The following STK36 variants were observed in gnomAD, a reference collection of about 807,000 sequenced individuals.
STK36 encodes the protein serine/threonine kinase 36.
STK36 carries 116 observed loss-of-function variants against 142.2 expected under a neutral mutation model. That is an observed-to-expected ratio of 0.82 (90% CI 0.70 to 0.95). STK36 has a LOEUF of 0.95. Ranked by LOEUF, STK36 falls within the 40% of genes least tolerant of loss-of-function variation. The pLI, the probability that STK36 is intolerant of heterozygous loss-of-function variation, is 0.00. For missense variants in STK36, 1,422 were observed against 1,617.2 expected (o/e 0.88, Z 2.07); for synonymous variants, 619 against 641.7 (o/e 0.96, Z 0.53).
rs1941333109 is a variant in STK36, at chr2:218,698,786, TTC to T, written c.3250_3251del (p.Leu1084AlafsTer24). The T allele has an allele frequency of 6.2e-7, 1 of 1,614,082 alleles. No individual in the cohort carries two copies. Among genetic ancestry groups the T allele is most frequent in the Non-Finnish European group, 8.5e-7 (1 of 1,180,036 alleles). On this transcript the variant is annotated frameshift_variant, in exon 26 of 27. Coordinates refer to ENST00000295709, the MANE Select transcript of STK36 (RefSeq NM_015690.5). LOFTEE classifies it high-confidence loss of function. ...GACCAGCCACTGTTGACCTCCGACC[TTC>T]TCTCTCTGCTGGCCCATACTGCCAG...
At chr2:218,700,555 C>T (rs1258626464) in intron 26 of STK36, among the ~76,000 whole-genome samples, 2 of 151,736 alleles carry the variant, frequency 1.3e-5, no homozygotes, top group Non-Finnish European at 2.9e-5. Flanking sequence ...GCACACACCA[C>T]CTTACCTGGC....
At position 218,698,591 on chromosome 2, in the gene STK36, T is replaced by C; in HGVS notation, c.3058-11T>C. On this transcript the variant is annotated splice_polypyrimidine_tract_variant and intron_variant, in intron 25 of 26. Coordinates refer to ENST00000295709, the MANE Select transcript of STK36 (RefSeq NM_015690.5). ...TCTCTCCCTGAATCCTTTTACCTCC[T>C]GTTCTCTCAGGTCTGCTGCTACCAT... is the stretch of plus-strand genomic sequence containing the variant. 6.2e-7 allele frequency: 1 copy of C among 1,611,340 alleles called. No homozygotes were observed. Among genetic ancestry groups the C allele is most frequent in the Non-Finnish European group, 8.5e-7 (1 of 1,178,308 alleles).
chr2:218,672,136 C>A lies in STK36; in HGVS notation c.-169C>A. ...GTTCGGATGTGTCCCAGGAAGTGCC[C>A]ATGTGTGGTCCGCCGTCCATTCCAC... On this transcript the variant is annotated 5_prime_UTR_variant, in exon 1 of 27. Coordinates refer to ENST00000295709, the MANE Select transcript of STK36 (RefSeq NM_015690.5). The A allele has an allele frequency of 1.3e-6, 1 of 742,062 alleles. No individual in the cohort carries two copies. 46.0% of individuals were successfully genotyped at this position (742,062 alleles called of 1,614,324 possible). A position where few individuals can be genotyped will look rare whatever the true frequency, so the allele number is the denominator to read the frequency against.
intron 2 of STK36, 113 bp from the exon 3 acceptor site, chr2:218,673,512 G>A (rs1940085452): frequency 1.5e-6 from 2 of 1,373,526 alleles, no homozygotes; most frequent in South Asian, 1.5e-5. Flanking sequence ...GAAATAATAA[G>A]AGTTACTCAA....
chr2:218,677,056 C>T (rs1384527927), intron 6 of STK36, among the ~76,000 whole-genome samples: 1 of 152,158 alleles, frequency 6.6e-6, no homozygotes, highest in African/African-American at 2.4e-5. Flanking sequence ...GCCTCAGCCT[C>T]CCGAGTAGCT....
At position 218,690,434 on chromosome 2, in the gene STK36, CAT is replaced by C; in HGVS notation, c.1659-15_1659-14del. 1.2e-6 allele frequency: 2 copies of C among 1,610,652 alleles called. No individual in the cohort carries two copies. Among genetic ancestry groups the C allele is most frequent in the Non-Finnish European group, 1.7e-6 (2 of 1,176,904 alleles). ...GTAGAGAGATAAGAAATCATGGGCT[CAT>C]TTTCCACCCCCAGCCTGCAGGTGTT... On this transcript the variant is annotated splice_polypyrimidine_tract_variant and intron_variant, in intron 13 of 26. Transcript: ENST00000295709.
Position 218,692,195 on chromosome 2 carries a change from A to G in STK36, c.1817A>G (p.Lys606Arg). ...GATGGGAACAGCCGGGCCATCTCCA[A>G]AGCCTTTTACTCCAGCTTGCTGACG... Reference protein sequence around the residue: ...AMDGNSRAISKAFYSSLLTTQ... With the variant: ...AMDGNSRAISRAFYSSLLTTQ... The change falls in exon 15 of 27, where the codon AAA (lysine) becomes AGA (arginine). Residue 606 changes from lysine to arginine, a missense_variant. Coordinates refer to ENST00000295709, the MANE Select transcript of STK36 (RefSeq NM_015690.5). The G allele has an allele frequency of 6.2e-7, 1 of 1,614,086 alleles. No homozygotes were observed. Among genetic ancestry groups the G allele is most frequent in the Non-Finnish European group, 8.5e-7 (1 of 1,180,030 alleles).
Position 218,673,726 on chromosome 2 carries a change from C to T in STK36, c.186C>T (p.Asn62=), listed in dbSNP as rs749838134. Residue 62 remains asparagine, a synonymous_variant, in exon 3 of 27, where the codon AAC becomes AAT. Coordinates refer to ENST00000295709, the MANE Select transcript of STK36 (RefSeq NM_015690.5). ...IEIMRGLRHP[N]IVHMLDSFET... ...TAATGCGGGGTCTGCGGCATCCCAA[C>T]ATTGTGCATATGCTTGACAGCTTTG... is the stretch of plus-strand genomic sequence containing the variant. The T allele has an allele frequency of 6.2e-7, 1 of 1,614,202 alleles. No homozygotes were observed. Among genetic ancestry groups the T allele is most frequent in the South Asian group, 1.1e-5 (1 of 91,078 alleles).
chr2:218,693,677 C>T (rs372146712), intron 17 of STK36, 46 bp from the exon 18 acceptor site: 37 of 1,561,174 alleles, frequency 2.4e-5, no homozygotes, highest in African/African-American at 1.6e-4. Context: ...TCTTGGAGCC[C>T]GGGGCCTGCC....
Position 218,680,709 on chromosome 2 carries a change from C to T in STK36, c.1236+7C>T. 13 of 1,607,250 alleles carry T rather than the reference C, an allele frequency of 8.1e-6. No homozygotes were observed. The highest frequency in any genetic ancestry group is 8.5e-6 in the Non-Finnish European group (10 of 1,176,948). On this transcript the variant is annotated splice_region_variant and intron_variant, in intron 10 of 26. Transcript: ENST00000295709. ...AGTGGACCTGGAAAATGAGGTGAGCCCTAGGGTCTCTTACTGACTTTGTCT... is the reference window on the plus strand; with the variant it reads ...AGTGGACCTGGAAAATGAGGTGAGCTCTAGGGTCTCTTACTGACTTTGTCT...
At chr2:218,672,425 G>C (rs966219432) in intron 1 of STK36, 3 of 296,494 alleles carry the variant, frequency 1.0e-5, no homozygotes, top group African/African-American at 6.5e-5. Context: ...AGCGGGTGCT[G>C]AGGAGTCTGG....
chr2:218,688,361 T>C (rs1474082226), intron 11 of STK36: 2 of 496,798 alleles, frequency 4.0e-6, no homozygotes, highest in South Asian at 3.1e-5. Flanking sequence ...TTCAGAAGCA[T>C]GTGCGGTGCA....
At position 218,694,337 on chromosome 2, in the gene STK36, T is replaced by C. The variant is rs767154455; in HGVS notation, c.2400+10T>C. 2 of 1,612,930 alleles carry C rather than the reference T, an allele frequency of 1.2e-6. No homozygotes were observed. The highest frequency in any genetic ancestry group is 1.7e-6 in the Non-Finnish European group (2 of 1,178,866). On this transcript the variant is annotated intron_variant, in intron 20 of 26. Transcript: ENST00000295709. This position sits in a 1 kb window ranked among gnomAD's most constrained non-coding sequence, Gnocchi z 4.4. ...TGTCGTCTCTCTTGTGGTAAGTTTT[T>C]AACCTTCACCCTCCTCCCCTTTTCA...
At chr2:218,695,932 C>T (rs1342554422) in intron 21 of STK36, among the ~76,000 whole-genome samples, 2 of 142,576 alleles carry the variant, frequency 1.4e-5, no homozygotes, top group East Asian at 2.1e-4. Flanking sequence ...GGCGTGATCT[C>T]GGCTCACTGC....
At position 218,672,149 on chromosome 2, in the gene STK36, C is replaced by T; in HGVS notation, c.-156C>T. 1 of 672,932 alleles carries T rather than the reference C, an allele frequency of 1.5e-6. No homozygotes were observed. The highest frequency in any genetic ancestry group is 2.6e-6 in the Non-Finnish European group (1 of 388,670). The allele number at this position is 672,932 out of a possible 1,614,324, so 41.7% of individuals were successfully genotyped here. ...CCAGGAAGTGCCCATGTGTGGTCCG[C>T]CGTCCATTCCACACCTCTGAGCGCC... On this transcript the variant is annotated 5_prime_UTR_variant, in exon 1 of 27. Transcript: ENST00000295709.
intron 10 of STK36, among the ~76,000 whole-genome samples, chr2:218,682,534 G>A (rs1940572617): frequency 6.6e-6 from 1 of 152,064 alleles, no homozygotes; most frequent in South Asian, 2.1e-4. Context: ...TCAGTAATGT[G>A]CGTTATGAAA....
rs1273619447 is a variant in STK36 at position 218,692,123 on chromosome 2, T to G, written c.1765-20T>G. On this transcript the variant is annotated intron_variant, in intron 14 of 26. Coordinates refer to ENST00000295709, the MANE Select transcript of STK36 (RefSeq NM_015690.5). ...AGTCTTCTGATGCCCTGATGCTACCTCTGCACTTCTCTCCTTTAGTGCTTT... is the reference window on the plus strand; with the variant it reads ...AGTCTTCTGATGCCCTGATGCTACCGCTGCACTTCTCTCCTTTAGTGCTTT... The G allele has an allele frequency of 1.2e-5, 19 of 1,610,552 alleles. No individual in the cohort carries two copies. The highest frequency in any genetic ancestry group is 1.5e-5 in the Non-Finnish European group (18 of 1,177,206).
At position 218,701,284 on chromosome 2, in the gene STK36, G is replaced by A. The variant is rs149879672; in HGVS notation, c.3805-582G>A. Among the ~76,000 whole-genome samples the A allele has an allele frequency of 1.1e-4, 17 of 150,694 alleles. 1 individual carries two copies. Among genetic ancestry groups the A allele is most frequent in the African/African-American group, 3.7e-4 (15 of 40,916 alleles). On this transcript the variant is annotated intron_variant, in intron 26 of 26. Transcript: ENST00000295709. ...GTAGCTGGGACTACAGGCACCTGCC[G>A]CCACACCCAGCTAATTTTTTGTATT...
At chr2:218,692,402 C>A in intron 15 of STK36, 109 bp downstream of exon 15, 1 of 1,504,878 alleles carries the variant, frequency 6.6e-7, no homozygotes. Context: ...AGTAGGTGCT[C>A]AATAAATAAC....
Sources: allele counts gnomAD v4.1 joint callset (sites outside exome capture counted in the v4.1 genomes callset), GRCh38; gene constraint gnomAD v4.1.1; non-coding constraint Gnocchi (gnomAD v3.1); transcripts MANE v1.5; gene names NCBI Gene and HGNC (gene_info 2026-07-23, HGNC 2026-07-21).